The following FAM114A2 variants were observed in gnomAD, a reference collection of about 807,000 sequenced individuals.
FAM114A2 encodes the protein protein FAM114A2.
FAM114A2 carries 53 observed loss-of-function variants against 58.4 expected under a neutral mutation model. The observed-to-expected ratio is 0.91, with a 90% CI of 0.73 to 1.14. FAM114A2 has a LOEUF of 1.14. FAM114A2 is among the 50% of genes most tolerant of loss of function. The pLI, the probability that FAM114A2 is intolerant of heterozygous loss-of-function variation, is 0.00. For synonymous variants in FAM114A2, 228 were observed against 211.4 expected, an observed-to-expected ratio of 1.08 and a Z score of -0.68; for missense variants, 601 against 581.1, an observed-to-expected ratio of 1.03 and a Z score of -0.35.
At position 153,997,838 on chromosome 5, in the gene FAM114A2, A is replaced by G. The variant is rs769000801; in HGVS notation, c.1294T>C (p.Ser432Pro). The G allele has an allele frequency of 3.7e-6, 6 of 1,604,286 alleles. No homozygotes were observed. The highest frequency in any genetic ancestry group is 4.3e-6 in the Non-Finnish European group (5 of 1,171,306). The change falls in exon 12 of 14, where the codon TCT becomes CCT. Residue 432 changes from serine to proline, a missense_variant. Ser to Pro is a moderately conservative substitution (Grantham distance 74). Coordinates refer to ENST00000351797, the MANE Select transcript of FAM114A2 (RefSeq NM_018691.4). Reference protein sequence around the residue: ...IVLCKELSSLSKEFTTCLTTA... With the variant: ...IVLCKELSSLPKEFTTCLTTA... ...GTTAGGCAGGTAGTGAACTCTTTAGACAGAGAGGACAACTCTTTACACAAC... is the reference window on the plus strand; with the variant it reads ...GTTAGGCAGGTAGTGAACTCTTTAGGCAGAGAGGACAACTCTTTACACAAC...
In FAM114A2 at chr5:154,002,944, A is replaced by G; in HGVS notation, c.1019T>C (p.Ile340Thr). The change falls in exon 10 of 14, where the codon ATC (isoleucine) becomes ACC (threonine). Residue 340 changes from isoleucine (I) to threonine (T), a missense_variant. Physicochemically the swap from Ile to Thr is moderately conservative, Grantham distance 89. Coordinates refer to ENST00000351797, the MANE Select transcript of FAM114A2 (RefSeq NM_018691.4). ...TAATGGCTTGGTCAGAGACTTCCTGATCCATTCGTGGGCGGTATTTCTTGC... is the reference window on the plus strand; with the variant it reads ...TAATGGCTTGGTCAGAGACTTCCTGGTCCATTCGTGGGCGGTATTTCTTGC... ...ARARNTAHEW[I>T]RKSLTKPLAE... The G allele has an allele frequency of 6.2e-7, 1 of 1,613,814 alleles. No homozygotes were observed. The highest frequency in any genetic ancestry group is 8.5e-7 in the Non-Finnish European group (1 of 1,179,836).
At chr5:154,006,784 T>C (rs1229112191) in intron 9 of FAM114A2, among the ~76,000 whole-genome samples, 1 of 145,236 alleles carries the variant, frequency 6.9e-6, no homozygotes, top group Non-Finnish European at 1.5e-5. Flanking sequence ...AAATTTAATA[T>C]ACCCAAAGGA....
chr5:154,024,179 G>A (rs1771627061), intron 8 of FAM114A2, among the ~76,000 whole-genome samples: 1 of 152,156 alleles, frequency 6.6e-6, no homozygotes, highest in South Asian at 2.1e-4. Flanking sequence ...AAGCATTGCA[G>A]TTTAGGTCAT....
chr5:153,995,223 G>A (rs1769480241), intron 12 of FAM114A2: 1 of 331,064 alleles, frequency 3.0e-6, no homozygotes. Context: ...ACTTTAAAAA[G>A]TATCTTCATT....
At chr5:154,037,745 T>C (rs759981956) in intron 1 of FAM114A2, among the ~76,000 whole-genome samples, 8 of 152,148 alleles carry the variant, frequency 5.3e-5, no homozygotes, top group Non-Finnish European at 1.0e-4. Flanking sequence ...AGGGTCTCGC[T>C]ATGTTGGCCA....
intron 11 of FAM114A2, among the ~76,000 whole-genome samples, chr5:154,001,933 A>G (rs1316536072): frequency 2.6e-5 from 4 of 152,196 alleles, no homozygotes; most frequent in Admixed American, 1.3e-4. Flanking sequence ...TTAGCACTCA[A>G]TAATAACTAT....
chr5:153,994,708 T>C, intron 13 of FAM114A2: 1 of 495,122 alleles, frequency 2.0e-6, no homozygotes, highest in African/African-American at 1.9e-5. Flanking sequence ...AATCTACTGC[T>C]TCTTCCAGTA....
At position 153,994,930 on chromosome 5, in the gene FAM114A2, C is replaced by A. The variant is rs770489571; in HGVS notation, c.1372G>T (p.Val458Leu). 1 of 1,602,606 alleles carries A rather than the reference C, an allele frequency of 6.2e-7. No individual in the cohort carries two copies. The highest frequency in any genetic ancestry group is 8.5e-7 in the Non-Finnish European group (1 of 1,169,834). Residue 458 changes from valine to leucine, a missense_variant, in exon 13 of 14, where the codon GTA becomes TTA. Coordinates refer to ENST00000351797, the MANE Select transcript of FAM114A2 (RefSeq NM_018691.4). ...ADVLNPLITA[V>L]FLEASNSASY... ...AAACAATTACTAACCTCTAGAAATA[C>A]TGCAGTGATTAATGGGTTAAGGACA...
At chr5:154,038,764 A>G (rs1772785498) in intron 1 of FAM114A2, 93 bp downstream of exon 1, 1 of 152,360 alleles carries the variant, frequency 6.6e-6, no homozygotes, top group Non-Finnish European at 1.5e-5. Context: ...TCCGCCGCCC[A>G]CCGTCAGGTC....
intron 11 of FAM114A2, among the ~76,000 whole-genome samples, chr5:153,999,318 G>A (rs532049667): frequency 3.3e-5 from 5 of 152,200 alleles, no homozygotes; most frequent in East Asian, 1.9e-4. Flanking sequence ...TCTCACCCCC[G>A]TTAGAATGGC....
chr5:154,012,952 A>G (rs1304663598), intron 8 of FAM114A2, among the ~76,000 whole-genome samples: 1 of 151,728 alleles, frequency 6.6e-6, no homozygotes, highest in African/African-American at 2.4e-5. Flanking sequence ...ATTTTAGGGT[A>G]TATTTTAGAA....
intron 9 of FAM114A2, among the ~76,000 whole-genome samples, chr5:154,007,961 G>A (rs993394794): frequency 1.3e-5 from 2 of 152,128 alleles, no homozygotes; most frequent in African/African-American, 4.8e-5. Context: ...GAAAGTAATA[G>A]GTAGTAGAGC....
intron 4 of FAM114A2, among the ~76,000 whole-genome samples, chr5:154,032,277 A>AT (rs1772254096): frequency 6.6e-6 from 1 of 152,180 alleles, no homozygotes; most frequent in African/African-American, 2.4e-5. Flanking sequence ...TCCCAGGTGC[A>AT]TCCTCAAACT....
At position 154,003,575 on chromosome 5, in the gene FAM114A2, C is replaced by T. The variant is rs184319104; in HGVS notation, c.994-606G>A. On this transcript the variant is annotated intron_variant, in intron 9 of 13. Transcript: ENST00000351797. Reference sequence around the variant, plus strand: ...AAATGTTTTTATGTGTATATGCCTACGAAACCGTGATCAAGATATAGAATA... The same window carrying T: ...AAATGTTTTTATGTGTATATGCCTATGAAACCGTGATCAAGATATAGAATA... Among the ~76,000 whole-genome samples, 412 of 152,210 alleles carry T rather than the reference C, an allele frequency of 2.7e-3. 3 individuals carry two copies. The highest frequency in any genetic ancestry group is 9.1e-3 in the African/African-American group (377 of 41,544).
At chr5:154,036,486 G>C (rs2113526298) in intron 1 of FAM114A2, 1 of 152,280 alleles carries the variant, frequency 6.6e-6, no homozygotes, top group East Asian at 1.9e-4. Context: ...GGTATGTACT[G>C]ATATGTACTA....
chr5:153,999,940 T>C (rs1769860449), intron 11 of FAM114A2, among the ~76,000 whole-genome samples: 1 of 152,150 alleles, frequency 6.6e-6, no homozygotes, highest in Admixed American at 6.5e-5. Flanking sequence ...TGTGTATATA[T>C]GTATGTGTGT....
Position 154,034,356 on chromosome 5 carries a change from G to A in FAM114A2, c.232C>T (p.Pro78Ser), listed in dbSNP as rs1276160915. ...CCCCAATAACCCCATCTGGTCTGGG[G>A]TACATCTTTGGAAACATTATCCTAA... is the stretch of plus-strand genomic sequence containing the variant. The part of the protein sequence containing the change: ...PIQDNVSKDV[P>S]QTRWGYWGSW... The change falls in exon 3 of 14, where the codon CCC becomes TCC. Residue 78 changes from proline (P) to serine (S), a missense_variant. Pro to Ser is a moderately conservative substitution (Grantham distance 74). Coordinates refer to ENST00000351797, the MANE Select transcript of FAM114A2 (RefSeq NM_018691.4). The A allele has an allele frequency of 1.3e-6, 2 of 1,587,776 alleles. No individual in the cohort carries two copies. The highest frequency in any genetic ancestry group is 1.7e-6 in the Non-Finnish European group (2 of 1,167,264).
chr5:154,036,238 C>T (rs1454403179), intron 1 of FAM114A2: 1 of 151,936 alleles, frequency 6.6e-6, no homozygotes, highest in Admixed American at 6.6e-5. Context: ...TTAATCATTC[C>T]TACCTCAATT....
chr5:154,022,829 A>T (rs1771511595), intron 8 of FAM114A2, among the ~76,000 whole-genome samples: 1 of 152,248 alleles, frequency 6.6e-6, no homozygotes, highest in South Asian at 2.1e-4. Flanking sequence ...ATGAGGACAC[A>T]TGCACACATA....
Sources: gnomAD v4.1 joint callset for allele counts (sites outside exome capture counted in the v4.1 genomes callset) on GRCh38, gnomAD v4.1.1 for gene constraint, MANE v1.5 for transcripts, NCBI Gene and HGNC (gene_info 2026-07-23, HGNC 2026-07-21) for gene names.